CYP51A1: variants seen among roughly 807,000 people sequenced by gnomAD.
CYP51A1 encodes the protein cytochrome P450 family 51 subfamily A member 1.
A neutral mutation model predicts 53.5 loss-of-function variants in CYP51A1; 45 were observed. The observed-to-expected ratio is 0.84, with a 90% confidence interval of 0.66 to 1.08. The LOEUF (loss-of-function observed/expected upper bound fraction) is 1.08. Ranked by LOEUF, CYP51A1 falls within the 50% of genes least tolerant of loss-of-function variation. The pLI, the probability that CYP51A1 is intolerant of heterozygous loss-of-function variation, is 0.00. For missense variants in CYP51A1, 462 were observed against 621.7 expected (o/e 0.74, Z 2.73); for synonymous variants, 181 against 217.7 (o/e 0.83, Z 1.48).
chr7:92,128,986 G>A lies in CYP51A1; in HGVS notation c.362C>T (p.Ala121Val), dbSNP rs375807424. 1.2e-6 allele frequency: 2 copies of A among 1,613,686 alleles called. No homozygotes were observed. The highest frequency in any genetic ancestry group is 2.2e-5 in the South Asian group (2 of 91,074). The change falls in exon 3 of 10, where the codon GCA (alanine) becomes GTA (valine). Residue 121 changes from alanine (A) to valine (V), a missense_variant. Physicochemically the swap from Ala to Val is moderately conservative, Grantham distance 64. Coordinates refer to ENST00000003100, the MANE Select transcript of CYP51A1 (RefSeq NM_000786.4). ...TTCATTTTTACTATTAAAAAGCAGT[G>A]CAGCAGCATCACTCCCCAGAAGGTA... is the stretch of plus-strand genomic sequence containing the variant. ...FTYLLGSDAAALLFNSKNEDL... is the reference protein window; with the variant it reads ...FTYLLGSDAAVLLFNSKNEDL...
intron 5 of CYP51A1, among the ~76,000 whole-genome samples, chr7:92,124,734 TAAATTAGTTGGTATGAGTA>T (rs1461453506): frequency 6.6e-6 from 1 of 152,172 alleles, no homozygotes; most frequent in African/African-American, 2.4e-5. Flanking sequence ...ATAATCTGGT[TAAATTAGTTGGTATGAGTA>T]GAAGAAAGAA....
intron 9 of CYP51A1, among the ~76,000 whole-genome samples, chr7:92,114,516 A>T (rs1819541643): frequency 6.6e-6 from 1 of 152,206 alleles, no homozygotes; most frequent in Non-Finnish European, 1.5e-5. Context: ...TGGTTATTTG[A>T]TTATCAGTAC....
At chr7:92,131,740 T>G (rs766607228) in intron 2 of CYP51A1, 34 bp downstream of exon 2, 8 of 1,193,676 alleles carry the variant, frequency 6.7e-6, no homozygotes, top group Non-Finnish European at 9.6e-6. Context: ...CTAGTTGTTT[T>G]TTTTTTTTTC....
At chr7:92,131,631 A>C in intron 2 of CYP51A1, 143 bp downstream of exon 2, 1 of 539,730 alleles carries the variant, frequency 1.9e-6, no homozygotes, top group Non-Finnish European at 3.4e-6. Context: ...CTTAAACCAG[A>C]GCAGTTTCCA....
At position 92,113,249 on chromosome 7, in the gene CYP51A1, CTG is replaced by C. The variant is rs1188238154; in HGVS notation, c.*414_*415del. Reference sequence around the variant, plus strand: ...AATTGCCCAGATAAATAATAATAAACTGTGGTTTCCAAGTATCTCACTGGGAT... The same window carrying C: ...AATTGCCCAGATAAATAATAATAAACTGGTTTCCAAGTATCTCACTGGGAT... On this transcript the variant is annotated 3_prime_UTR_variant, in exon 10 of 10. Coordinates refer to ENST00000003100, the MANE Select transcript of CYP51A1 (RefSeq NM_000786.4). The C allele has an allele frequency of 6.3e-6, 1 of 158,364 alleles. No homozygotes were observed. The highest frequency in any genetic ancestry group is 1.9e-4 in the East Asian group (1 of 5,268). 9.8% of individuals were successfully genotyped at this position (158,364 alleles called of 1,614,324 possible). A position where few individuals can be genotyped will look rare whatever the true frequency, so the allele number is the denominator to read the frequency against.
intron 4 of CYP51A1, 114 bp downstream of exon 4, chr7:92,127,391 G>A (rs1819821085): frequency 1.1e-6 from 1 of 923,408 alleles, no homozygotes; most frequent in Admixed American, 3.0e-5. Flanking sequence ...ATAAATCTAA[G>A]GTAGTTTTAC....
At chr7:92,129,690 C>T in intron 2 of CYP51A1, among the ~76,000 whole-genome samples, 1 of 152,254 alleles carries the variant, frequency 6.6e-6, no homozygotes, top group Non-Finnish European at 1.5e-5. Flanking sequence ...ACTGTCCCAA[C>T]TCACCAAGCT....
At chr7:92,118,648 A>C (rs1160357469) in intron 7 of CYP51A1, 33 bp from the exon 8 acceptor site, 1 of 1,188,358 alleles carries the variant, frequency 8.4e-7, no homozygotes, top group South Asian at 1.2e-5. Context: ...GATTGTTATA[A>C]ATAACATACT....
intron 1 of CYP51A1, 138 bp downstream of exon 1, chr7:92,134,035 C>G: frequency 5.0e-6 from 4 of 802,084 alleles, no homozygotes; most frequent in Non-Finnish European, 7.6e-6. Flanking sequence ...GCCACCAAAG[C>G]CACGCCAAGC....
intron 7 of CYP51A1, among the ~76,000 whole-genome samples, 175 bp from the exon 8 acceptor site, chr7:92,118,790 G>A (rs911992704): frequency 2.0e-5 from 3 of 152,162 alleles, no homozygotes; most frequent in Non-Finnish European, 4.4e-5. Flanking sequence ...GGTGAAAAAG[G>A]AGGGCAAGGT....
chr7:92,128,428 C>CTGTGTGTGTGTG lies in CYP51A1; in HGVS notation c.468+440_468+451dup, dbSNP rs1554479142. On this transcript the variant is annotated intron_variant, in intron 3 of 9. Coordinates refer to ENST00000003100, the MANE Select transcript of CYP51A1 (RefSeq NM_000786.4). ...TATTACATTTTTGTTTGGTTGGTTTCTGTGTGTGTGTGTGTGTGTGTGTGT... is the reference window on the plus strand; with the variant it reads ...TATTACATTTTTGTTTGGTTGGTTTCTGTGTGTGTGTGTGTGTGTGTGTGTGTGTGTGTGTGT... 1.1e-3 allele frequency among the ~76,000 whole-genome samples: 157 copies of CTGTGTGTGTGTG among 143,122 alleles called. No homozygotes were observed. In the East Asian group the frequency reaches 0.021, roughly 19 times the overall value. The allele number at this position is 143,122 out of a possible 152,430, so 93.9% of individuals were successfully genotyped here.
intron 4 of CYP51A1, 50 bp downstream of exon 4, chr7:92,127,455 A>G: frequency 6.4e-7 from 1 of 1,552,938 alleles, no homozygotes; most frequent in Non-Finnish European, 8.7e-7. Context: ...CTACTTTTCT[A>G]TTCACAGAGA....
intron 7 of CYP51A1, among the ~76,000 whole-genome samples, chr7:92,120,892 G>C (rs910171182): frequency 3.9e-5 from 6 of 151,936 alleles, no homozygotes; most frequent in Non-Finnish European, 1.5e-5. Context: ...TTTTAAATAT[G>C]GGAACAGGAT....
At chr7:92,128,086 C>G (rs1025000292) in intron 3 of CYP51A1, among the ~76,000 whole-genome samples, 2 of 152,150 alleles carry the variant, frequency 1.3e-5, no homozygotes, top group Admixed American at 6.5e-5. Flanking sequence ...GTACCCCACA[C>G]GTGAAGTTGT....
Position 92,123,794 on chromosome 7 carries a change from C to T in CYP51A1, c.830G>A (p.Arg277His), listed in dbSNP as rs140702410. ...ATCAATTTTTTCTTGAGACTGTCTGCGTTTCTGGATTGCCTTATAGAAAAT... is the reference window on the plus strand; with the variant it reads ...ATCAATTTTTTCTTGAGACTGTCTGTGTTTCTGGATTGCCTTATAGAAAAT... Reference protein sequence around the residue: ...KDIFYKAIQKRRQSQEKIDDI... With the variant: ...KDIFYKAIQKHRQSQEKIDDI... Residue 277 changes from arginine to histidine, a missense_variant, in exon 6 of 10, where the codon CGC becomes CAC. Physicochemically the swap from Arg to His is conservative, Grantham distance 29 (BLOSUM62 0). Coordinates refer to ENST00000003100, the MANE Select transcript of CYP51A1 (RefSeq NM_000786.4). 21 of 1,608,522 alleles carry T rather than the reference C, an allele frequency of 1.3e-5. No individual in the cohort carries two copies. Among genetic ancestry groups the T allele is most frequent in the Non-Finnish European group, 1.8e-5 (21 of 1,176,922 alleles).
rs746098957 is a variant in CYP51A1 at position 92,117,124 on chromosome 7, C to T, written c.1271G>A (p.Arg424His). ...NQRLKDSWVE[R>H]LDFNPDRYLQ... is the part of the protein sequence containing the mutation. ...GTAGCGATCAGGATTAAAGTCCAGG[C>T]GTTCTACCCATGAGTCTTTAAGTCT... The change falls in exon 9 of 10, where the codon CGC (arginine) becomes CAC (histidine). Residue 424 changes from arginine (R) to histidine (H), a missense_variant. Transcript: ENST00000003100. The T allele has an allele frequency of 3.3e-5, 53 of 1,614,050 alleles. No individual in the cohort carries two copies. In the South Asian group the frequency reaches 5.5e-4, roughly 17 times the overall value.
chr7:92,113,592 T>C lies in CYP51A1; in HGVS notation c.*73A>G. 1 of 1,394,364 alleles carries C rather than the reference T, an allele frequency of 7.2e-7. No homozygotes were observed. 86.4% of individuals were successfully genotyped at this position (1,394,364 alleles called of 1,614,324 possible). A position where few individuals can be genotyped will look rare whatever the true frequency, so the allele number is the denominator to read the frequency against. Reference sequence around the variant, plus strand: ...ACAGTAAACTACAAGAGTTGTTTTGTACACTTCATTCTCTTCGAATGCCTT... The same window carrying C: ...ACAGTAAACTACAAGAGTTGTTTTGCACACTTCATTCTCTTCGAATGCCTT... On this transcript the variant is annotated 3_prime_UTR_variant, in exon 10 of 10. Transcript: ENST00000003100.
At position 92,131,919 on chromosome 7, in the gene CYP51A1, A is replaced by G. The variant is rs77669234; in HGVS notation, c.193-47T>C. ...AATTCAATTCGTGTTTCATTTCAAGAGAGAAACCCAGTTTCGTTTCATGAC... is the reference window on the plus strand; with the variant it reads ...AATTCAATTCGTGTTTCATTTCAAGGGAGAAACCCAGTTTCGTTTCATGAC... On this transcript the variant is annotated intron_variant, in intron 1 of 9. Coordinates refer to ENST00000003100, the MANE Select transcript of CYP51A1 (RefSeq NM_000786.4). 3,800 of 1,163,830 alleles carry G rather than the reference A, an allele frequency of 3.3e-3. 80 individuals carry two copies. The African/African-American group carries it at 0.051, about 16-fold the overall frequency. The allele number at this position is 1,163,830 out of a possible 1,614,324, so 72.1% of individuals were successfully genotyped here. A position where few individuals can be genotyped will look rare whatever the true frequency, so the allele number is the denominator to read the frequency against.
chr7:92,125,979 A>G (rs1299430478), intron 5 of CYP51A1, among the ~76,000 whole-genome samples: 1 of 152,210 alleles, frequency 6.6e-6, no homozygotes, highest in Admixed American at 6.5e-5. Context: ...GGGGCAACAG[A>G]GCAAGACTCC....
Sources: gnomAD v4.1 joint callset for allele counts (sites outside exome capture counted in the v4.1 genomes callset) on GRCh38, gnomAD v4.1.1 for gene constraint, MANE v1.5 for transcripts, NCBI Gene and HGNC (gene_info 2026-07-23, HGNC 2026-07-21) for gene names.